PDE1C: variants seen among roughly 807,000 people sequenced by gnomAD.
The protein encoded by PDE1C is dual specificity calcium/calmodulin-dependent 3',5'-cyclic nucleotide phosphodiesterase 1C.
Under a neutral mutation model 93.1 loss-of-function variants are expected in PDE1C, and 62 were observed. That is an observed-to-expected ratio of 0.67 (90% CI 0.54 to 0.82). The LOEUF (loss-of-function observed/expected upper bound fraction) is 0.82. Among genes scored for constraint, PDE1C ranks in the 40% least tolerant of loss-of-function variants. PDE1C has a pLI of 0.00. For missense variants in PDE1C, 742 were observed against 884.6 expected (o/e 0.84, Z 2.04); for synonymous variants, 325 against 310.1 (o/e 1.05, Z -0.50).
intron 1 of PDE1C, among the ~76,000 whole-genome samples, chr7:32,059,110 T>A (rs546425094): frequency 1.3e-5 from 2 of 152,206 alleles, no homozygotes; most frequent in East Asian, 1.9e-4. Context: ...CATTGAATTA[T>A]CTTAGAAAAG....
chr7:31,750,194 T>G (rs1219867612), downstream of PDE1C, among the ~76,000 whole-genome samples: 1 of 151,702 alleles, frequency 6.6e-6, no homozygotes, highest in Non-Finnish European at 1.5e-5. Context: ...AGGAACAGAG[T>G]GAAGGGCAGT....
intron 16 of PDE1C, among the ~76,000 whole-genome samples, chr7:31,798,406 C>T (rs1168019886): frequency 2.0e-5 from 3 of 151,582 alleles, no homozygotes; most frequent in Admixed American, 1.3e-4. Flanking sequence ...TTTGTGTTTC[C>T]CAAATGAGAC....
intron 2 of PDE1C, among the ~76,000 whole-genome samples, chr7:31,902,197 TATAAC>T (rs1436303186): frequency 2.0e-5 from 3 of 151,344 alleles, no homozygotes; most frequent in East Asian, 3.9e-4. Context: ...TACTACATAT[TATAAC>T]AAAGTATCAT....
chr7:31,871,888 A>G (rs1795993600), intron 6 of PDE1C, among the ~76,000 whole-genome samples: 1 of 152,074 alleles, frequency 6.6e-6, no homozygotes, highest in African/African-American at 2.4e-5. Context: ...AAAGAAAGAA[A>G]GAAAGAAATC....
chr7:31,968,767 T>C (rs111880631), intron 2 of PDE1C, among the ~76,000 whole-genome samples: 2,691 of 152,106 alleles, frequency 0.018, 79 homozygotes, highest in African/African-American at 0.061. Context: ...CAGCATGGTA[T>C]GGTACCAAAA....
chr7:32,054,760 A>C lies in PDE1C; in HGVS notation c.102-3180T>G, dbSNP rs573371452. The stretch of plus-strand genomic sequence containing the variant: ...CCCTTCAATCTTCTCCCATTTAGAC[A>C]CAGCCCTAAAATCAACCCAAATGGT... On this transcript the variant is annotated intron_variant, in intron 1 of 17. Coordinates refer to ENST00000396191, the MANE Select transcript of PDE1C (RefSeq NM_001191057.4). Among the ~76,000 whole-genome samples the C allele has an allele frequency of 1.2e-4, 19 of 152,322 alleles. 1 individual carries two copies. The South Asian group carries it at 2.7e-3, about 22-fold the overall frequency.
At chr7:32,121,308 T>C (rs753309607) in intron 3 of PDE1C, among the ~76,000 whole-genome samples, 14 of 152,110 alleles carry the variant, frequency 9.2e-5, no homozygotes, top group Non-Finnish European at 1.5e-4. Flanking sequence ...AAACACACTT[T>C]AGGATATTAT....
intron 1 of PDE1C, among the ~76,000 whole-genome samples, chr7:32,332,635 A>G (rs1783538986): frequency 6.6e-6 from 1 of 152,236 alleles, no homozygotes; most frequent in African/African-American, 2.4e-5. Flanking sequence ...GAAAACACAA[A>G]TGTCTATCCA....
At chr7:32,322,876 T>A (rs1209220011) in intron 1 of PDE1C, among the ~76,000 whole-genome samples, 1 of 152,118 alleles carries the variant, frequency 6.6e-6, no homozygotes, top group East Asian at 1.9e-4. Context: ...CCTCCCAAAG[T>A]GCTGGGATTA....
chr7:31,793,699 A>G (rs1784842893), intron 16 of PDE1C, among the ~76,000 whole-genome samples: 1 of 151,684 alleles, frequency 6.6e-6, no homozygotes, highest in Admixed American at 6.6e-5. Context: ...TTAAATAAGA[A>G]GAAAACATTA....
chr7:32,349,544 GC>G (rs1465032093), intron 1 of PDE1C, among the ~76,000 whole-genome samples: 1 of 152,130 alleles, frequency 6.6e-6, no homozygotes, highest in Non-Finnish European at 1.5e-5. Context: ...AACATTTAAA[GC>G]AAAACATTTT....
intron 1 of PDE1C, among the ~76,000 whole-genome samples, chr7:32,065,313 T>G (rs1201985369): frequency 6.6e-6 from 1 of 152,190 alleles, no homozygotes; most frequent in Non-Finnish European, 1.5e-5. Flanking sequence ...TCCTTGTTTT[T>G]CTCTCATCTT....
exon 1 of PDE1C, chr7:32,298,785 G>A (rs772193808): frequency 1.3e-6 from 2 of 1,545,030 alleles, no homozygotes; most frequent in East Asian, 2.4e-5. Flanking sequence ...CGGCGTCTGC[G>A]GTCCCCCCCA....
At chr7:31,635,801 A>G in the PDE1C span, among the ~76,000 whole-genome samples, 26 of 152,078 alleles carry the variant, frequency 1.7e-4, 1 homozygote, top group African/African-American at 6.3e-4. Flanking sequence ...AGAGGAGAGG[A>G]ACAGGAAAAA....
intron 3 of PDE1C, among the ~76,000 whole-genome samples, chr7:32,120,685 C>T (rs554388944): frequency 2.6e-5 from 4 of 152,076 alleles, no homozygotes; most frequent in African/African-American, 9.7e-5. Context: ...CAGAAAGCAA[C>T]AACAACAAAA....
At chr7:32,328,662 C>T (rs1783451510) in intron 1 of PDE1C, among the ~76,000 whole-genome samples, 2 of 152,114 alleles carry the variant, frequency 1.3e-5, no homozygotes, top group Non-Finnish European at 2.9e-5. Context: ...CCACCCCTTG[C>T]TTGCCTAACT....
chr7:31,849,171 A>G (rs529504190), intron 8 of PDE1C, among the ~76,000 whole-genome samples: 2 of 152,282 alleles, frequency 1.3e-5, no homozygotes, highest in South Asian at 2.1e-4. Flanking sequence ...ATACCAACTG[A>G]TGTATATTTC....
intron 2 of PDE1C, among the ~76,000 whole-genome samples, chr7:32,009,777 G>A (rs1786823229): frequency 6.6e-6 from 1 of 152,176 alleles, no homozygotes; most frequent in African/African-American, 2.4e-5. Context: ...GACATTTTAT[G>A]TAGAAAACCT....
chr7:32,253,419 G>A lies in PDE1C; in HGVS notation c.86-43880C>T, dbSNP rs114501773. On this transcript the variant is annotated intron_variant, in intron 1 of 18. Transcript: ENST00000396193. ...CCCCACAATGCTCCAACAGCCTTAC[G>A]CGCCTTCCAGAGAATACAGCTGCCA... Among the ~76,000 whole-genome samples, 905 of 152,218 alleles carry A rather than the reference G, an allele frequency of 5.9e-3. 11 individuals carry two copies. Among genetic ancestry groups the A allele is most frequent in the African/African-American group, 0.02 (831 of 41,514 alleles).
Sources: allele counts gnomAD v4.1 joint callset (sites outside exome capture counted in the v4.1 genomes callset), GRCh38; gene constraint gnomAD v4.1.1; transcripts MANE v1.5; gene names NCBI Gene and HGNC (gene_info 2026-07-23, HGNC 2026-07-21).